The following KCNG3 variants were observed in gnomAD, a reference collection of about 807,000 sequenced individuals.
KCNG3 encodes the protein voltage-gated potassium channel regulatory subunit KCNG3.
Under a neutral mutation model 29.0 loss-of-function variants are expected in KCNG3, and 15 were observed. That is an observed-to-expected ratio of 0.52 (90% confidence interval 0.35 to 0.80). The LOEUF is 0.80. KCNG3 is among the 30% of genes least tolerant of loss of function. The pLI is 0.01. For missense variants in KCNG3, 512 were observed against 605.7 expected (o/e 0.85, Z 1.62); for synonymous variants, 322 against 248.9 (o/e 1.29, Z -2.76).
At chr2:42,424,402 G>C in the KCNG3 span, among the ~76,000 whole-genome samples, 1 of 150,404 alleles carries the variant, frequency 6.6e-6, no homozygotes, top group South Asian at 2.1e-4. Flanking sequence ...ATGGGGGTTC[G>C]GGATAGACTA....
At chr2:42,469,949 C>G (rs1213590481) in intron 1 of KCNG3, 2 of 380,054 alleles carry the variant, frequency 5.3e-6, no homozygotes, top group Non-Finnish European at 4.8e-6. Context: ...CAAGGCCTGA[C>G]TCCTTCACAA....
At position 42,470,430 on chromosome 2, in the gene KCNG3, G is replaced by A. The variant is rs551923756; in HGVS notation, c.665+22407C>T. ...CTCACGCCTGTACTCCAGACACTTC[G>A]AGGTCCGTACAGGAGGAATGCAGGA... On this transcript the variant is annotated intron_variant, in intron 1 of 1. Coordinates refer to ENST00000306078, the MANE Select transcript of KCNG3 (RefSeq NM_133329.6). Among the ~76,000 whole-genome samples the A allele has an allele frequency of 1.3e-3, 201 of 152,230 alleles. 1 individual carries two copies. The highest frequency in any genetic ancestry group is 4.7e-3 in the African/African-American group (195 of 41,524).
the KCNG3 span, among the ~76,000 whole-genome samples, chr2:42,400,197 A>G: frequency 6.6e-6 from 1 of 152,136 alleles, no homozygotes; most frequent in East Asian, 1.9e-4. Context: ...AGCAAAGGGA[A>G]CCCAGTAGAA....
chr2:42,392,406 T>A, the KCNG3 span, among the ~76,000 whole-genome samples: 1 of 152,090 alleles, frequency 6.6e-6, no homozygotes, highest in African/African-American at 2.4e-5. Context: ...GAGTGGGTAA[T>A]GCCAGGGGAG....
In KCNG3 at chr2:42,477,384, TATATACACACAC is replaced by T. The variant is rs1435962021; in HGVS notation, c.665+15441_665+15452del. 2.1e-4 allele frequency among the ~76,000 whole-genome samples: 21 copies of T among 101,920 alleles called. No homozygotes were observed. In the South Asian group the frequency reaches 4.3e-3, roughly 21 times the overall value. 66.9% of individuals were successfully genotyped at this position (101,920 alleles called of 152,430 possible). On this transcript the variant is annotated intron_variant, in intron 1 of 1. Transcript: ENST00000306078. ...ATATACATATATATACACACACATA[TATATACACACAC>T]ACACACACACACACACACACACACA...
At chr2:42,430,159 G>A in the KCNG3 span, among the ~76,000 whole-genome samples, 1 of 152,086 alleles carries the variant, frequency 6.6e-6, no homozygotes, top group Admixed American at 6.6e-5. Flanking sequence ...TTGAGCTCAG[G>A]AGTTCAAGAC....
intron 1 of KCNG3, chr2:42,463,255 A>G: frequency 3.2e-6 from 1 of 313,050 alleles, no homozygotes; most frequent in Non-Finnish European, 6.1e-6. Flanking sequence ...GTGTACCCTA[A>G]ACCTATCAGG....
At chr2:42,462,791 A>G (rs1232452824) in intron 1 of KCNG3, among the ~76,000 whole-genome samples, 2 of 152,258 alleles carry the variant, frequency 1.3e-5, no homozygotes, top group Non-Finnish European at 2.9e-5. Context: ...CCAAGGTTCA[A>G]TTATCAGGAA....
At chr2:42,457,511 A>C (rs1672904387) in intron 1 of KCNG3, among the ~76,000 whole-genome samples, 1 of 151,506 alleles carries the variant, frequency 6.6e-6, no homozygotes, top group South Asian at 2.1e-4. Flanking sequence ...GAGAGAAGTA[A>C]CTAGATCATG....
intron 1 of KCNG3, among the ~76,000 whole-genome samples, chr2:42,449,850 A>G (rs1366148900): frequency 1.3e-5 from 2 of 152,222 alleles, no homozygotes; most frequent in African/African-American, 4.8e-5. Context: ...AGCACGCAGC[A>G]GTGATAATAA....
chr2:42,431,920 T>C, the KCNG3 span, among the ~76,000 whole-genome samples: 1 of 151,256 alleles, frequency 6.6e-6, no homozygotes, highest in Admixed American at 6.6e-5. Context: ...ATGCCTGTAA[T>C]CCCAGCTACT....
chr2:42,462,498 A>G (rs185273432), intron 1 of KCNG3, among the ~76,000 whole-genome samples: 3,015 of 152,202 alleles, frequency 0.02, 43 homozygotes, highest in Non-Finnish European at 0.031. Context: ...CCTGGTCAAC[A>G]TGGTTAAACC....
intron 1 of KCNG3, among the ~76,000 whole-genome samples, chr2:42,454,193 G>T (rs952127497): frequency 1.3e-5 from 2 of 151,902 alleles, no homozygotes; most frequent in African/African-American, 4.8e-5. Flanking sequence ...CAGTATGGAG[G>T]TTCCTCGAAA....
the KCNG3 span, among the ~76,000 whole-genome samples, chr2:42,411,657 A>G: frequency 2.0e-5 from 3 of 151,986 alleles, no homozygotes; most frequent in African/African-American, 2.4e-5. Flanking sequence ...TAATTTTTGT[A>G]TATTTAGTAG....
In KCNG3 at chr2:42,443,377, A is replaced by G. The variant is rs1363610578; in HGVS notation, c.*557T>C. On this transcript the variant is annotated 3_prime_UTR_variant, in exon 2 of 2. Coordinates refer to ENST00000306078, the MANE Select transcript of KCNG3 (RefSeq NM_133329.6). ...GCAAAGAATTGAGAAGTATGCTGGA[A>G]AAGTCTTTCAAATACTATTCTTGCT... 2 of 152,670 alleles carry G rather than the reference A, an allele frequency of 1.3e-5. No individual in the cohort carries two copies. The highest frequency in any genetic ancestry group is 6.5e-5 in the Admixed American group (1 of 15,280). 9.5% of individuals were successfully genotyped at this position (152,670 alleles called of 1,614,324 possible).
At position 42,458,146 on chromosome 2, in the gene KCNG3, G is replaced by T. The variant is rs144699205; in HGVS notation, c.666-13567C>A. ...TCACATTTGGACGGCCATTTCATTA[G>T]GATATGTGGCAGGACAACGATAATG... On this transcript the variant is annotated intron_variant, in intron 1 of 1. Transcript: ENST00000306078. Among the ~76,000 whole-genome samples, 868 of 152,174 alleles carry T rather than the reference G, an allele frequency of 5.7e-3. 3 individuals are homozygous for T. Among genetic ancestry groups the T allele is most frequent in the Non-Finnish European group, 9.1e-3 (617 of 67,996 alleles).
At chr2:42,405,360 T>A in the KCNG3 span, among the ~76,000 whole-genome samples, 1 of 152,210 alleles carries the variant, frequency 6.6e-6, no homozygotes, top group African/African-American at 2.4e-5. Flanking sequence ...GTTTGTTTTC[T>A]GTTTCATCAA....
At chr2:42,465,128 C>T (rs1673108303) in intron 1 of KCNG3, among the ~76,000 whole-genome samples, 2 of 151,672 alleles carry the variant, frequency 1.3e-5, no homozygotes, top group Non-Finnish European at 1.5e-5. Context: ...ATACCACACA[C>T]AAAAATTAAT....
At chr2:42,452,899 A>G (rs959721762) in intron 1 of KCNG3, among the ~76,000 whole-genome samples, 1 of 152,138 alleles carries the variant, frequency 6.6e-6, no homozygotes, top group Non-Finnish European at 1.5e-5. Context: ...CTCCTGCCTC[A>G]GCATCTTGAG....
Sources: gnomAD v4.1 joint callset for allele counts (sites outside exome capture counted in the v4.1 genomes callset) on GRCh38, gnomAD v4.1.1 for gene constraint, MANE v1.5 for transcripts, NCBI Gene and HGNC (gene_info 2026-07-23, HGNC 2026-07-21) for gene names.